USH2A: variants seen among roughly 807,000 people sequenced by gnomAD.
USH2A encodes the protein usherin, also known as Usher syndrome 2A (autosomal recessive, mild).
Under a neutral mutation model 538.9 loss-of-function variants are expected in USH2A, and 443 were observed. The observed-to-expected ratio is 0.82, with a 90% confidence interval of 0.76 to 0.89. The LOEUF is 0.89. Among genes scored for constraint, USH2A ranks in the 40% least tolerant of loss-of-function variants. The pLI is 0.00. For synonymous variants in USH2A, 2,413 were observed against 2,273.5 expected, an observed-to-expected ratio of 1.06 and a Z score of -1.75; for missense variants, 6,633 against 6,324.8, an observed-to-expected ratio of 1.05 and a Z score of -1.65.
chr1:216,356,239 A>T (rs1209182800), intron 4 of USH2A, among the ~76,000 whole-genome samples: 1 of 152,142 alleles, frequency 6.6e-6, no homozygotes, highest in Non-Finnish European at 1.5e-5. Flanking sequence ...TGACAAGTAC[A>T]GAATTTAAAT....
At chr1:216,079,400 T>G (rs2068721) in intron 26 of USH2A, among the ~76,000 whole-genome samples, 55,327 of 151,958 alleles carry the variant, frequency 0.36, 11,102 homozygotes, top group East Asian at 0.84. Context: ...GAAGGCTTTT[T>G]GCTCCCTGGA....
chr1:215,704,620 C>T (rs1291896391), intron 61 of USH2A, among the ~76,000 whole-genome samples: 1 of 152,132 alleles, frequency 6.6e-6, no homozygotes, highest in Non-Finnish European at 1.5e-5. Context: ...TTAGCCTCTC[C>T]CTGGTCTGCC....
intron 16 of USH2A, among the ~76,000 whole-genome samples, chr1:216,203,157 C>T (rs2035035098): frequency 6.6e-6 from 1 of 151,834 alleles, no homozygotes; most frequent in African/African-American, 2.4e-5. Context: ...AGATACATTC[C>T]AAGATCTCCA....
At position 215,779,963 on chromosome 1, in the gene USH2A, G is replaced by A. The variant is rs756135698; in HGVS notation, c.10819C>T (p.His3607Tyr). 6.2e-7 allele frequency: 1 copy of A among 1,614,128 alleles called. No homozygotes were observed. The highest frequency in any genetic ancestry group is 8.5e-7 in the Non-Finnish European group (1 of 1,180,018). ...TTCTCAGGGACACTCCAGCTCAGAT[G>A]CAGAGCCACTGCACTTAGGGCTGTG... Reference protein sequence around the residue: ...SITALSAVALHLSWSVPEKSN... With the variant: ...SITALSAVALYLSWSVPEKSN... The change falls in exon 55 of 72, where the codon CAT becomes TAT. Residue 3607 changes from histidine to tyrosine, a missense_variant. By Grantham distance (83) the His-to-Tyr change is moderately conservative. Coordinates refer to ENST00000307340, the MANE Select transcript of USH2A (RefSeq NM_206933.4).
intron 62 of USH2A, 38 bp from the exon 63 acceptor site, chr1:215,675,654 A>G (rs1490142359): frequency 6.2e-7 from 1 of 1,613,792 alleles, no homozygotes; most frequent in South Asian, 1.1e-5. Context: ...AACTTGCAGC[A>G]TACAATTTCT....
intron 61 of USH2A, among the ~76,000 whole-genome samples, chr1:215,700,738 T>G (rs561883639): frequency 2.6e-5 from 4 of 152,220 alleles, no homozygotes; most frequent in Non-Finnish European, 4.4e-5. Context: ...ATTTATTTTG[T>G]TAATCTTTTC....
chr1:215,944,280 A>G (rs954499457), intron 37 of USH2A, among the ~76,000 whole-genome samples: 1 of 152,182 alleles, frequency 6.6e-6, no homozygotes, highest in African/African-American at 2.4e-5. Context: ...TATTGCCTGC[A>G]AAGTCTAAAG....
chr1:216,088,315 T>A (rs2032197682), intron 23 of USH2A, among the ~76,000 whole-genome samples: 1 of 152,112 alleles, frequency 6.6e-6, no homozygotes. Flanking sequence ...TTATCACCAC[T>A]TGATATTTGT....
At position 216,392,314 on chromosome 1, in the gene USH2A, C is replaced by T. The variant is rs145668505; in HGVS notation, c.651+26200G>A. On this transcript the variant is annotated intron_variant, in intron 3 of 71. Coordinates refer to ENST00000307340, the MANE Select transcript of USH2A (RefSeq NM_206933.4). ...GAAATCCCGACCATCCTGACTAACA[C>T]GGTGAAACCCTGTCTCTACTAAAAA... Among the ~76,000 whole-genome samples the T allele has an allele frequency of 6.3e-4, 95 of 151,866 alleles. 1 individual carries two copies. Among genetic ancestry groups the T allele is most frequent in the Middle Eastern group, 6.8e-3 (2 of 294 alleles).
At chr1:215,630,170 A>G in intron 70 of USH2A, 1 of 506,692 alleles carries the variant, frequency 2.0e-6, no homozygotes, top group Non-Finnish European at 4.0e-6. Context: ...TCATGCATTC[A>G]TGCAGCACAC....
At chr1:216,417,470 C>T (rs2039597336) in intron 3 of USH2A, among the ~76,000 whole-genome samples, 1 of 152,088 alleles carries the variant, frequency 6.6e-6, no homozygotes, top group African/African-American at 2.4e-5. Flanking sequence ...CAATTGTAAT[C>T]CCCAGCTTTG....
intron 38 of USH2A, among the ~76,000 whole-genome samples, chr1:215,916,379 A>G (rs1322309937): frequency 1.3e-5 from 2 of 152,028 alleles, no homozygotes; most frequent in African/African-American, 2.4e-5. Flanking sequence ...ATTATTTCTT[A>G]TATTAGTGAC....
At chr1:216,332,015 C>T (rs942646125) in intron 4 of USH2A, among the ~76,000 whole-genome samples, 3 of 152,100 alleles carry the variant, frequency 2.0e-5, no homozygotes, top group African/African-American at 7.2e-5. Flanking sequence ...GTAAGAACAA[C>T]ATGTTCTATG....
At chr1:215,696,252 T>TATTG (rs1658803859) in intron 61 of USH2A, among the ~76,000 whole-genome samples, 1 of 152,198 alleles carries the variant, frequency 6.6e-6, no homozygotes, top group South Asian at 2.1e-4. Context: ...TCTTCATCCT[T>TATTG]GCCATTTTCT....
intron 12 of USH2A, 53 bp downstream of exon 12, chr1:216,250,850 T>G: frequency 6.3e-7 from 1 of 1,584,280 alleles, no homozygotes; most frequent in Non-Finnish European, 8.6e-7. Context: ...AATAGAGAAT[T>G]TTATTCCAGA....
chr1:215,929,436 G>A (rs558238015), intron 38 of USH2A, among the ~76,000 whole-genome samples: 1 of 151,994 alleles, frequency 6.6e-6, no homozygotes, highest in African/African-American at 2.4e-5. Flanking sequence ...CCTTAGCAGG[G>A]TTACTGGCCT....
At chr1:215,873,212 T>G (rs1049677429) in intron 43 of USH2A, among the ~76,000 whole-genome samples, 4 of 152,212 alleles carry the variant, frequency 2.6e-5, no homozygotes, top group Non-Finnish European at 5.9e-5. Context: ...ATTAAGTGCA[T>G]GGCTATGAGA....
rs551580667 is a variant in USH2A at position 216,295,374 on chromosome 1, T to A, written c.1645-3004A>T. Among the ~76,000 whole-genome samples the A allele has an allele frequency of 3.5e-3, 534 of 151,704 alleles. 4 individuals are homozygous for A. Among genetic ancestry groups the A allele is most frequent in the African/African-American group, 0.012 (504 of 41,478 alleles). On this transcript the variant is annotated intron_variant, in intron 9 of 71. Transcript: ENST00000307340. ...GTAAATAAAGCCAAGTAAAAAAAAA[T>A]TTAGGAGTTTTACATTTATAATCAT...
chr1:216,078,330 C>T lies in USH2A; in HGVS notation c.5331G>A (p.Arg1777=). The T allele has an allele frequency of 1.9e-6, 3 of 1,613,654 alleles. No individual in the cohort carries two copies. In the African/African-American group the frequency reaches 4.0e-5, roughly 22 times the overall value. The change falls in exon 27 of 72, where the codon CGG becomes CGA. Residue 1777 remains arginine (R), a synonymous_variant. Transcript: ENST00000307340. ...GTGTAAAGGCAAGACTGGTATTTAA[C>T]CGGAAGGTCAATATTCCACTTTTCA... ...MELKSGILTF[R]LNTSLAFTQV...
Sources: gnomAD v4.1 joint callset for allele counts (sites outside exome capture counted in the v4.1 genomes callset) on GRCh38, gnomAD v4.1.1 for gene constraint, MANE v1.5 for transcripts, NCBI Gene and HGNC (gene_info 2026-07-23, HGNC 2026-07-21) for gene names.